Variants in DYNC2I1 observed in about 807,000 individuals in gnomAD.
DYNC2I1 encodes the protein cytoplasmic dynein 2 intermediate chain 1.
Under a neutral mutation model 133.4 loss-of-function variants are expected in DYNC2I1, and 89 were observed. The observed-to-expected ratio is 0.67, with a 90% confidence interval of 0.56 to 0.80. The LOEUF (loss-of-function observed/expected upper bound fraction) is 0.80. DYNC2I1 is among the 30% of genes least tolerant of loss of function. The pLI is 0.00. For missense variants in DYNC2I1, 1,291 were observed against 1,314.5 expected (o/e 0.98, Z 0.28); for synonymous variants, 504 against 484.3 (o/e 1.04, Z -0.54).
intron 4 of DYNC2I1, among the ~76,000 whole-genome samples, chr7:158,952,436 G>A (rs190453454): frequency 6.6e-5 from 10 of 152,284 alleles, no homozygotes; most frequent in African/African-American, 2.4e-4. Flanking sequence ...CTAGGTCTGG[G>A]TTAGAGAAGG....
chr7:158,862,264 A>C (rs1326251892), intron 1 of DYNC2I1, among the ~76,000 whole-genome samples: 1 of 152,234 alleles, frequency 6.6e-6, no homozygotes, highest in African/African-American at 2.4e-5. Context: ...TCCAGAGAAC[A>C]AAGGAGAGGC....
chr7:158,869,497 C>T (rs1368928331), intron 1 of DYNC2I1: 6 of 475,482 alleles, frequency 1.3e-5, no homozygotes, highest in African/African-American at 6.0e-5. Flanking sequence ...GGACGTGAGT[C>T]TGTTGTGGCT....
intron 8 of DYNC2I1, among the ~76,000 whole-genome samples, chr7:158,897,629 C>CT (rs538666078): frequency 3.9e-5 from 6 of 151,926 alleles, no homozygotes; most frequent in East Asian, 1.9e-4. Context: ...GATCCACTTT[C>CT]TTTTTTTTCC....
chr7:158,920,949 G>A (rs1240754052), intron 15 of DYNC2I1, among the ~76,000 whole-genome samples: 1 of 152,204 alleles, frequency 6.6e-6, no homozygotes, highest in East Asian at 1.9e-4. Context: ...ACACGCGGCA[G>A]AATGACGCAG....
intron 11 of DYNC2I1, among the ~76,000 whole-genome samples, chr7:158,909,714 G>A (rs955751092): frequency 2.0e-5 from 3 of 152,198 alleles, no homozygotes; most frequent in Non-Finnish European, 4.4e-5. Flanking sequence ...AGGGAAACAT[G>A]GAGGCGATCC....
At chr7:158,867,916 C>T (rs878973988) in intron 1 of DYNC2I1, among the ~76,000 whole-genome samples, 2 of 152,034 alleles carry the variant, frequency 1.3e-5, no homozygotes, top group Admixed American at 6.5e-5. Context: ...GCAGGGCGGG[C>T]GGCTTGAGCT....
intron 20 of DYNC2I1, among the ~76,000 whole-genome samples, chr7:158,927,733 G>A (rs934991450): frequency 6.6e-6 from 1 of 152,060 alleles, no homozygotes; most frequent in Non-Finnish European, 1.5e-5. Flanking sequence ...TGTATTTTTA[G>A]TAGAGACAGG....
chr7:158,867,806 G>A (rs1010991535), intron 1 of DYNC2I1, among the ~76,000 whole-genome samples: 2 of 152,090 alleles, frequency 1.3e-5, no homozygotes, highest in Non-Finnish European at 1.5e-5. Flanking sequence ...TGCGCGGTGA[G>A]AGCAAGCGGG....
chr7:158,886,289 G>A (rs1388564288), intron 6 of DYNC2I1, among the ~76,000 whole-genome samples: 1 of 151,756 alleles, frequency 6.6e-6, no homozygotes, highest in African/African-American at 2.4e-5. Flanking sequence ...ACGCCACCAC[G>A]CCTGGCTAAT....
chr7:158,902,487 C>A lies in DYNC2I1; in HGVS notation c.1249C>A (p.Gln417Lys). Reference protein sequence around the residue: ...ELPLAQKKEIQEIQRAINAEN... With the variant: ...ELPLAQKKEIKEIQRAINAEN... ...TCCTCTAGCTCAAAAAAAGGAAATA[C>A]AAGAAATTCAAAGAGCTATTAATGC... The change falls in exon 10 of 25, where the codon CAA becomes AAA. Residue 417 changes from glutamine (Q) to lysine (K), a missense_variant. Gln to Lys is a moderately conservative substitution (Grantham distance 53, BLOSUM62 1). Coordinates refer to ENST00000407559, the MANE Select transcript of DYNC2I1 (RefSeq NM_018051.5). 6.2e-7 allele frequency: 1 copy of A among 1,613,902 alleles called. No individual in the cohort carries two copies.
Position 158,856,665 on chromosome 7 carries a change from T to G in DYNC2I1, c.-71T>G. The G allele has an allele frequency of 8.1e-7, 1 of 1,227,916 alleles. No homozygotes were observed. The highest frequency in any genetic ancestry group is 1.0e-6 in the Non-Finnish European group (1 of 983,706). The allele number at this position is 1,227,916 out of a possible 1,614,324, so 76.1% of individuals were successfully genotyped here. A position where few individuals can be genotyped will look rare whatever the true frequency, so the allele number is the denominator to read the frequency against. ...CCTCCCGAAGGGTGCGGGGCACAGG[T>G]GGCCTCTTCGGGGTGGACCGCGCCT... On this transcript the variant is annotated 5_prime_UTR_variant, in exon 1 of 25. Transcript: ENST00000407559.
downstream of DYNC2I1, among the ~76,000 whole-genome samples, chr7:158,957,103 C>G (rs1018914336): frequency 2.0e-5 from 3 of 152,262 alleles, no homozygotes; most frequent in Non-Finnish European, 1.5e-5. Flanking sequence ...CCACCTTGCT[C>G]TCCACGACTT....
chr7:158,947,307 G>A (rs1008450604), downstream of DYNC2I1, among the ~76,000 whole-genome samples: 2 of 152,208 alleles, frequency 1.3e-5, no homozygotes, highest in African/African-American at 2.4e-5. Flanking sequence ...CCCACTCACC[G>A]TCCTTGCTGC....
intron 20 of DYNC2I1, among the ~76,000 whole-genome samples, chr7:158,927,673 T>TC (rs1453530184): frequency 6.6e-6 from 1 of 151,968 alleles, no homozygotes; most frequent in African/African-American, 2.4e-5. Flanking sequence ...TGCCTCAACC[T>TC]CCCAAGTAGC....
chr7:158,954,479 C>G (rs1160023929), intron 4 of DYNC2I1, among the ~76,000 whole-genome samples: 2 of 152,158 alleles, frequency 1.3e-5, no homozygotes, highest in Non-Finnish European at 1.5e-5. Flanking sequence ...GAAACCCCAT[C>G]TCTCCTAAAA....
chr7:158,850,859 C>T, the DYNC2I1 span, among the ~76,000 whole-genome samples: 1,545 of 152,118 alleles, frequency 0.01, 27 homozygotes, highest in African/African-American at 0.035. Context: ...GGAGGAGATG[C>T]TTTTAAGTAG....
intron 1 of DYNC2I1, among the ~76,000 whole-genome samples, 171 bp from the exon 2 acceptor site, chr7:158,869,684 T>G (rs1563082453): frequency 6.6e-6 from 1 of 152,256 alleles, no homozygotes; most frequent in Non-Finnish European, 1.5e-5. Flanking sequence ...TAGTGAATAA[T>G]TTTTAAAAAT....
chr7:158,926,249 T>G lies in DYNC2I1; in HGVS notation c.2320T>G (p.Ser774Ala). Residue 774 changes from serine (S) to alanine (A), a missense_variant, in exon 18 of 25, where the codon TCC (serine) becomes GCC (alanine). Coordinates refer to ENST00000407559, the MANE Select transcript of DYNC2I1 (RefSeq NM_018051.5). ...PLQAVEPIST[S>A]VHKKQSFVLS... ...TCAAGCAGTAGAACCTATCTCAACG[T>G]CCGTCCACAAAAAGCAGAGCTTTGT... 1 of 1,613,638 alleles carries G rather than the reference T, an allele frequency of 6.2e-7. No homozygotes were observed. The highest frequency in any genetic ancestry group is 2.2e-5 in the East Asian group (1 of 44,876).
downstream of DYNC2I1, among the ~76,000 whole-genome samples, chr7:158,957,759 C>T (rs1266973382): frequency 6.6e-6 from 1 of 152,192 alleles, no homozygotes; most frequent in African/African-American, 2.4e-5. Context: ...TCGTGAGGTC[C>T]ACCGCCAACT....
Sources: gnomAD v4.1 joint callset for allele counts (sites outside exome capture counted in the v4.1 genomes callset) on GRCh38, gnomAD v4.1.1 for gene constraint, MANE v1.5 for transcripts, NCBI Gene and HGNC (gene_info 2026-07-23, HGNC 2026-07-21) for gene names.